COQ10B: variants seen among roughly 807,000 people sequenced by gnomAD.
The protein encoded by COQ10B is coenzyme Q10B.
Under a neutral mutation model 27.6 loss-of-function variants are expected in COQ10B, and 12 were observed. The observed-to-expected ratio is 0.43, with a 90% CI of 0.28 to 0.70. The LOEUF is 0.70. Among genes scored for constraint, COQ10B ranks in the 30% least tolerant of loss-of-function variants. The pLI, the probability that COQ10B is intolerant of heterozygous loss-of-function variation, is 0.17. For synonymous variants in COQ10B, 115 were observed against 103.0 expected (o/e 1.12, Z -0.71); for missense variants, 278 against 288.7 (o/e 0.96, Z 0.27).
chr2:197,456,547 A>G (rs1238158364), intron 1 of COQ10B, among the ~76,000 whole-genome samples: 2 of 151,526 alleles, frequency 1.3e-5, no homozygotes, highest in African/African-American at 2.4e-5. Context: ...GGCGGATCAC[A>G]AGGTCAGGAG....
intron 3 of COQ10B, among the ~76,000 whole-genome samples, chr2:197,463,362 C>T (rs2085781890): frequency 6.6e-6 from 1 of 151,688 alleles, no homozygotes; most frequent in African/African-American, 2.4e-5. Context: ...ATCCCAGCTA[C>T]TCAGGTGGCT....
intron 1 of COQ10B, among the ~76,000 whole-genome samples, chr2:197,458,831 C>T (rs1345323082): frequency 6.6e-6 from 1 of 152,038 alleles, no homozygotes; most frequent in African/African-American, 2.4e-5. Flanking sequence ...CAGGCGCCTG[C>T]CACCACACTC....
At chr2:197,463,620 A>G (rs937345789) in intron 3 of COQ10B, among the ~76,000 whole-genome samples, 7 of 151,158 alleles carry the variant, frequency 4.6e-5, no homozygotes, top group Admixed American at 4.0e-4. Flanking sequence ...AAAAAATTAA[A>G]TAAAAATGAA....
intron 3 of COQ10B, among the ~76,000 whole-genome samples, chr2:197,465,481 G>C (rs1444195442): frequency 6.6e-6 from 1 of 151,638 alleles, no homozygotes; most frequent in Admixed American, 6.6e-5. Context: ...TAGTAGAGAC[G>C]GGGTTTCTCC....
Position 197,473,987 on chromosome 2 carries a change from T to A in COQ10B, c.*63T>A, listed in dbSNP as rs1389810480. On this transcript the variant is annotated 3_prime_UTR_variant, in exon 5 of 5. Coordinates refer to ENST00000263960, the MANE Select transcript of COQ10B (RefSeq NM_025147.5). ...AGTTTGTTCACTTTTAGGAAGTATT[T>A]TCATGACATGTTTTCAGAAGCCAGA... 59 of 1,302,016 alleles carry A rather than the reference T, an allele frequency of 4.5e-5. No homozygotes were observed. The highest frequency in any genetic ancestry group is 6.0e-5 in the Non-Finnish European group (59 of 984,582). 80.7% of individuals were successfully genotyped at this position (1,302,016 alleles called of 1,614,324 possible).
At chr2:197,461,627 C>CAGAGAGAGAGAG (rs66918493) in intron 2 of COQ10B, among the ~76,000 whole-genome samples, 30 of 129,510 alleles carry the variant, frequency 2.3e-4, no homozygotes, top group African/African-American at 6.1e-4. Context: ...TACAGGGTCT[C>CAGAGAGAGAGAG]AGAGAGAGAG....
At chr2:197,460,436 C>T (rs1678083100) in intron 2 of COQ10B, among the ~76,000 whole-genome samples, 1 of 152,154 alleles carries the variant, frequency 6.6e-6, no homozygotes, top group South Asian at 2.1e-4. Context: ...CATGATCCAC[C>T]TGCCTTGGCC....
In COQ10B at chr2:197,460,022, C is replaced by G. The variant is rs2085739283; in HGVS notation, c.195C>G (p.Phe65Leu). 1 of 1,611,630 alleles carries G rather than the reference C, an allele frequency of 6.2e-7. No individual in the cohort carries two copies. The change falls in exon 2 of 5, where the codon TTC becomes TTG. Residue 65 changes from phenylalanine (F) to leucine (L), a missense_variant. Coordinates refer to ENST00000263960, the MANE Select transcript of COQ10B (RefSeq NM_025147.5). Reference sequence around the variant, plus strand: ...AGGAGATATGTGCACGAACTTTCTTCAAAATCACTGCACCATTAATAAACA... The same window carrying G: ...AGGAGATATGTGCACGAACTTTCTTGAAAATCACTGCACCATTAATAAACA... ...LPKEICARTFFKITAPLINKR... is the reference protein window; with the variant it reads ...LPKEICARTFLKITAPLINKR...
intron 1 of COQ10B, among the ~76,000 whole-genome samples, chr2:197,459,572 G>A (rs1415282349): frequency 6.6e-6 from 1 of 152,130 alleles, no homozygotes; most frequent in Non-Finnish European, 1.5e-5. Flanking sequence ...AACACCTGTG[G>A]ATCCAGCTAG....
chr2:197,462,535 A>T lies in COQ10B; in HGVS notation c.255-4A>T. On this transcript the variant is annotated splice_region_variant and splice_polypyrimidine_tract_variant and intron_variant, in intron 2 of 4. Transcript: ENST00000263960. ...CACCTCTTTTTTATTTTTATTTTTT[A>T]AAGATATTCAATGCAGGAAATGTAT... 1 of 1,498,924 alleles carries T rather than the reference A, an allele frequency of 6.7e-7. No individual in the cohort carries two copies. Among genetic ancestry groups the T allele is most frequent in the Non-Finnish European group, 9.1e-7 (1 of 1,101,212 alleles). The allele number at this position is 1,498,924 out of a possible 1,614,324, so 92.9% of individuals were successfully genotyped here.
At chr2:197,456,915 A>G (rs1037925239) in intron 1 of COQ10B, among the ~76,000 whole-genome samples, 1 of 151,944 alleles carries the variant, frequency 6.6e-6, no homozygotes, top group Non-Finnish European at 1.5e-5. Flanking sequence ...ATACATTTCT[A>G]ATGGTCTGTA....
intron 1 of COQ10B, among the ~76,000 whole-genome samples, chr2:197,455,090 C>T (rs1363142235): frequency 6.6e-6 from 1 of 151,918 alleles, no homozygotes; most frequent in Non-Finnish European, 1.5e-5. Context: ...TGGTGTTTTC[C>T]TTAGGCTTGT....
intron 4 of COQ10B, among the ~76,000 whole-genome samples, chr2:197,472,800 CAAA>C (rs34942079): frequency 8.8e-4 from 85 of 96,066 alleles, no homozygotes; most frequent in African/African-American, 3.1e-3. Flanking sequence ...GGCTCCATCT[CAAA>C]AAAAAAAAAA....
chr2:197,462,392 T>G, intron 2 of COQ10B, 147 bp from the exon 3 acceptor site: 1 of 516,968 alleles, frequency 1.9e-6, no homozygotes, highest in Non-Finnish European at 3.3e-6. Context: ...TGCTTTGAGG[T>G]CATTGATTCC....
chr2:197,462,818 C>G (rs953610915), intron 3 of COQ10B, 87 bp downstream of exon 3: 4 of 729,532 alleles, frequency 5.5e-6, no homozygotes, highest in Admixed American at 3.3e-5. Flanking sequence ...CCTAAAAAAA[C>G]TTATTTAACC....
At chr2:197,467,677 A>G (rs553502228) in intron 3 of COQ10B, among the ~76,000 whole-genome samples, 202 of 152,280 alleles carry the variant, frequency 1.3e-3, no homozygotes, top group Non-Finnish European at 2.1e-3. Flanking sequence ...ATGCCCGGCC[A>G]GGTTCTGGAT....
chr2:197,453,833 G>C (rs796364566), intron 1 of COQ10B, 169 bp downstream of exon 1: 8 of 1,063,822 alleles, frequency 7.5e-6, no homozygotes, highest in Admixed American at 2.5e-5. Flanking sequence ...CAAGAGCGGC[G>C]CGCATCACCT....
chr2:197,457,316 TAGAA>T (rs959569122), intron 1 of COQ10B, among the ~76,000 whole-genome samples: 6 of 152,206 alleles, frequency 3.9e-5, no homozygotes, highest in African/African-American at 1.4e-4. Flanking sequence ...TTCAAATAGG[TAGAA>T]AGAGTATATT....
At chr2:197,468,442 CAAA>C (rs760008326) in intron 3 of COQ10B, among the ~76,000 whole-genome samples, 1 of 63,938 alleles carries the variant, frequency 1.6e-5, no homozygotes, top group Non-Finnish European at 3.1e-5. Context: ...GACTCCGTCT[CAAA>C]AAAAAAAAAA....
Sources: allele counts gnomAD v4.1 joint callset (sites outside exome capture counted in the v4.1 genomes callset), GRCh38; gene constraint gnomAD v4.1.1; transcripts MANE v1.5; gene names NCBI Gene and HGNC (gene_info 2026-07-23, HGNC 2026-07-21).